NIPBL: variants seen among roughly 807,000 people sequenced by gnomAD.
The protein encoded by NIPBL is NIPBL cohesin loading factor, also known as nipped-B-like protein.
Under a neutral mutation model 321.8 loss-of-function variants are expected in NIPBL, and 19 were observed. That is an observed-to-expected ratio of 0.06 (90% CI 0.04 to 0.09). The LOEUF is 0.09. Ranked by LOEUF, NIPBL falls within the 10% of genes least tolerant of loss-of-function variation. NIPBL has a pLI of 1.00. For synonymous variants in NIPBL, 1,106 were observed against 1,114.1 expected, an observed-to-expected ratio of 0.99 and a Z score of 0.14; for missense variants, 2,210 against 3,327.0, an observed-to-expected ratio of 0.66 and a Z score of 8.26.
In NIPBL at chr5:36,985,123, C is replaced by G; in HGVS notation, c.1943C>G (p.Thr648Arg). Residue 648 changes from threonine (T) to arginine (R), a missense_variant, in exon 10 of 47, where the codon ACA (threonine) becomes AGA (arginine). Transcript: ENST00000282516. Reference protein sequence around the residue: ...NKLETKVETQTEELKQNESRT... With the variant: ...NKLETKVETQREELKQNESRT... ...TTAGAAACTAAAGTTGAGACCCAAA[C>G]AGAAGAACTTAAACAGAATGAGAGC... 6.2e-7 allele frequency: 1 copy of G among 1,613,836 alleles called. No homozygotes were observed.
At chr5:37,057,001 A>C in intron 42 of NIPBL, among the ~76,000 whole-genome samples, 185 bp from the exon 43 acceptor site, 2 of 139,200 alleles carry the variant, frequency 1.4e-5, no homozygotes, top group African/African-American at 2.7e-5. Context: ...CCCCCTCTAT[A>C]TTTCTCTCCC....
intron 16 of NIPBL, 43 bp from the exon 17 acceptor site, chr5:37,006,314 T>C (rs1175797691): frequency 9.5e-7 from 1 of 1,055,428 alleles, no homozygotes; most frequent in South Asian, 1.3e-5. Context: ...TTTAAACCTA[T>C]AAATGTGTTT....
chr5:36,925,579 T>G (rs892866768), intron 1 of NIPBL, among the ~76,000 whole-genome samples: 6 of 152,206 alleles, frequency 3.9e-5, no homozygotes, highest in African/African-American at 1.4e-4. Flanking sequence ...TCATTAATTT[T>G]TAAAATAACT....
intron 9 of NIPBL, among the ~76,000 whole-genome samples, chr5:36,981,730 C>T (rs1312579649): frequency 1.3e-5 from 2 of 151,608 alleles, no homozygotes; most frequent in Non-Finnish European, 3.0e-5. Flanking sequence ...CATCTTTTCC[C>T]AAGGTCCACT....
intron 43 of NIPBL, among the ~76,000 whole-genome samples, chr5:37,057,934 G>A (rs186616632): frequency 1.1e-3 from 175 of 152,274 alleles, no homozygotes; most frequent in African/African-American, 4.1e-3. Context: ...TTTACAAATT[G>A]AATATTCTCA....
intron 30 of NIPBL, among the ~76,000 whole-genome samples, chr5:37,025,893 A>G (rs780858437): frequency 4.6e-5 from 7 of 151,822 alleles, no homozygotes; most frequent in Non-Finnish European, 7.4e-5. Context: ...CTTTTTTTTA[A>G]GTTTAGCAAA....
intron 9 of NIPBL, among the ~76,000 whole-genome samples, chr5:36,977,324 T>G (rs936738248): frequency 6.6e-6 from 1 of 152,006 alleles, no homozygotes; most frequent in Non-Finnish European, 1.5e-5. Context: ...TTCTTGATAT[T>G]GGGTAGAGCT....
chr5:36,879,916 A>G (rs908188464), intron 1 of NIPBL, among the ~76,000 whole-genome samples: 4 of 152,090 alleles, frequency 2.6e-5, no homozygotes, highest in African/African-American at 4.8e-5. Flanking sequence ...TCCTTTTTAA[A>G]GTTATTCAAC....
intron 1 of NIPBL, among the ~76,000 whole-genome samples, chr5:36,948,246 T>C (rs1739903066): frequency 6.6e-6 from 1 of 151,918 alleles, no homozygotes; most frequent in Non-Finnish European, 1.5e-5. Flanking sequence ...ATAAGATAAA[T>C]ATTAATTGGA....
chr5:37,020,434 T>C (rs1408658584), intron 25 of NIPBL, 25 bp from the exon 26 acceptor site: 1 of 1,493,282 alleles, frequency 6.7e-7, no homozygotes, highest in Non-Finnish European at 9.3e-7. Flanking sequence ...TTCATCAAGC[T>C]CAAGTCTGTC....
At chr5:36,880,591 T>A (rs1384805338) in intron 1 of NIPBL, among the ~76,000 whole-genome samples, 1 of 152,002 alleles carries the variant, frequency 6.6e-6, no homozygotes, top group Non-Finnish European at 1.5e-5. Context: ...CTAGGAACCT[T>A]TATAGAAGGC....
At chr5:36,967,776 C>T (rs922196397) in intron 6 of NIPBL, among the ~76,000 whole-genome samples, 1 of 152,036 alleles carries the variant, frequency 6.6e-6, no homozygotes, top group African/African-American at 2.4e-5. Flanking sequence ...ATCCTTAAGC[C>T]TTAAGGTGAA....
intron 1 of NIPBL, among the ~76,000 whole-genome samples, chr5:36,923,305 CA>C (rs1749096652): frequency 6.6e-6 from 1 of 151,734 alleles, no homozygotes; most frequent in Non-Finnish European, 1.5e-5. Context: ...GACTCCATCT[CA>C]AAACAAAAAA....
chr5:37,024,615 A>G lies in NIPBL; in HGVS notation c.5605A>G (p.Ile1869Val). 6.2e-7 allele frequency: 1 copy of G among 1,607,320 alleles called. No individual in the cohort carries two copies. Among genetic ancestry groups the G allele is most frequent in the South Asian group, 1.1e-5 (1 of 90,658 alleles). Residue 1869 changes from isoleucine (I) to valine (V), a missense_variant, in exon 30 of 47, where the codon ATA becomes GTA. Ile to Val is a conservative substitution (Grantham distance 29). Coordinates refer to ENST00000282516, the MANE Select transcript of NIPBL (RefSeq NM_133433.4). ...TGGTATCAGTGTCAGGAAAAGAGTA[A>G]TAAAGATTCTCAGAGACATTTGTAT... ...DTGISVRKRV[I>V]KILRDICIEQ... is the part of the protein sequence containing the mutation.
intron 37 of NIPBL, 143 bp from the exon 38 acceptor site, chr5:37,045,966 C>G: frequency 1.6e-6 from 1 of 615,944 alleles, no homozygotes. Flanking sequence ...TGCCACTGTT[C>G]TAAAATAAAT....
chr5:36,967,635 C>T (rs1014182784), intron 6 of NIPBL, among the ~76,000 whole-genome samples: 22 of 151,982 alleles, frequency 1.4e-4, no homozygotes, highest in Admixed American at 3.3e-4. Flanking sequence ...GTCCTGTTCC[C>T]GAATTGAAAC....
At chr5:36,911,454 C>G (rs1386229937) in intron 1 of NIPBL, among the ~76,000 whole-genome samples, 1 of 152,116 alleles carries the variant, frequency 6.6e-6, no homozygotes, top group Admixed American at 6.5e-5. Context: ...GAAATATTCC[C>G]TGCTTTCCTT....
intron 8 of NIPBL, 47 bp from the exon 9 acceptor site, chr5:36,975,729 A>G: frequency 6.3e-7 from 1 of 1,584,638 alleles, no homozygotes; most frequent in South Asian, 1.1e-5. Flanking sequence ...ATTGTAAGAA[A>G]ATGTGAAACC....
intron 6 of NIPBL, among the ~76,000 whole-genome samples, chr5:36,965,974 AT>A (rs1300983929): frequency 3.3e-5 from 5 of 152,074 alleles, no homozygotes; most frequent in African/African-American, 1.2e-4. Flanking sequence ...AAGTTCTAAG[AT>A]TAGCACAATG....
Sources: gnomAD v4.1 joint callset for allele counts (sites outside exome capture counted in the v4.1 genomes callset) on GRCh38, gnomAD v4.1.1 for gene constraint, MANE v1.5 for transcripts, NCBI Gene and HGNC (gene_info 2026-07-23, HGNC 2026-07-21) for gene names.